The following SYK variants were observed in gnomAD, a reference collection of about 807,000 sequenced individuals.
The protein encoded by SYK is tyrosine-protein kinase SYK.
A neutral mutation model predicts 77.8 loss-of-function variants in SYK; 16 were observed. The observed-to-expected ratio is 0.21, with a 90% CI of 0.14 to 0.31. The LOEUF is 0.31. Among genes scored for constraint, SYK ranks in the 10% least tolerant of loss-of-function variants. The probability of loss-of-function intolerance (pLI) is 1.00; values close to 1 mark genes in which losing one functional copy is unlikely to be tolerated. For missense variants in SYK, 529 were observed against 814.4 expected, an observed-to-expected ratio of 0.65 and a Z score of 4.26; for synonymous variants, 312 against 308.7, an observed-to-expected ratio of 1.01 and a Z score of -0.11.
intron 9 of SYK, 148 bp from the exon 10 acceptor site, chr9:90,877,423 C>A: frequency 1.3e-6 from 1 of 775,830 alleles, no homozygotes; most frequent in Non-Finnish European, 2.1e-6. Context: ...GCCAGCCATC[C>A]ATTACAGGCT....
intron 1 of SYK, among the ~76,000 whole-genome samples, chr9:90,806,897 T>TTTTG (rs1554703448): frequency 8.5e-5 from 13 of 152,124 alleles, no homozygotes; most frequent in African/African-American, 2.4e-4. Flanking sequence ...TGAGAATGTT[T>TTTTG]ATTTTTGTGG....
chr9:90,878,791 A>G lies in SYK; in HGVS notation c.1419A>G (p.Glu473=). Residue 473 remains glutamate (E), a synonymous_variant, in exon 11 of 14, where the codon GAA becomes GAG. Coordinates refer to ENST00000375754, the MANE Select transcript of SYK (RefSeq NM_003177.7). ...NRHVKDKNII[E]LVHQVSMGMK... ...ATGTCAAGGATAAGAACATCATAGA[A>G]CTGGTTCATCAGGTTTCCATGGGCA... 1 of 1,613,700 alleles carries G rather than the reference A, an allele frequency of 6.2e-7. No homozygotes were observed. Among genetic ancestry groups the G allele is most frequent in the South Asian group, 1.1e-5 (1 of 91,064 alleles).
At position 90,878,926 on chromosome 9, in the gene SYK, A is replaced by C; in HGVS notation, c.1554A>C (p.Ala518=). 6.2e-7 allele frequency: 1 copy of C among 1,612,474 alleles called. No individual in the cohort carries two copies. The highest frequency in any genetic ancestry group is 1.7e-5 in the Admixed American group (1 of 60,004). ...AKISDFGLSK[A]LRADENYYKA... Reference sequence around the variant, plus strand: ...TCAGTGATTTCGGACTTTCCAAAGCACTGCGTGCTGATGAAAACTACTACA... The same window carrying C: ...TCAGTGATTTCGGACTTTCCAAAGCCCTGCGTGCTGATGAAAACTACTACA... Residue 518 remains alanine, a synonymous_variant, in exon 11 of 14, where the codon GCA becomes GCC. Transcript: ENST00000375754.
chr9:90,858,581 C>G (rs290204), intron 3 of SYK, among the ~76,000 whole-genome samples: 125,789 of 152,222 alleles, frequency 0.83, 52,514 homozygotes, highest in East Asian at 0.95. Context: ...GGGTGGGTGT[C>G]CTGATGCCAC....
chr9:90,878,149 G>A (rs1381679291), intron 10 of SYK, among the ~76,000 whole-genome samples: 1 of 152,176 alleles, frequency 6.6e-6, no homozygotes, highest in African/African-American at 2.4e-5. Flanking sequence ...TTTCTAAGAG[G>A]TGACAGTTAA....
At chr9:90,836,500 A>G (rs1396870885) in intron 1 of SYK, among the ~76,000 whole-genome samples, 1 of 152,208 alleles carries the variant, frequency 6.6e-6, no homozygotes, top group Non-Finnish European at 1.5e-5. Context: ...ATAATTGCAT[A>G]AAATTAACTG....
intron 1 of SYK, among the ~76,000 whole-genome samples, chr9:90,843,330 G>A (rs1362999521): frequency 6.6e-6 from 1 of 152,334 alleles, no homozygotes. Context: ...CAGCACCAGC[G>A]TGTGACTGAC....
Position 90,888,508 on chromosome 9 carries a change from G to A in SYK, c.1723-7G>A. 1 of 1,591,766 alleles carries A rather than the reference G, an allele frequency of 6.3e-7. No individual in the cohort carries two copies. The highest frequency in any genetic ancestry group is 8.5e-7 in the Non-Finnish European group (1 of 1,172,096). On this transcript the variant is annotated splice_region_variant and splice_polypyrimidine_tract_variant and intron_variant, in intron 12 of 13. Transcript: ENST00000375754. ...AAAAAAGCTTATGCATATCTTGCATGTTGTAGGGGATGAAAGGAAGTGAAG... is the reference window on the plus strand; with the variant it reads ...AAAAAAGCTTATGCATATCTTGCATATTGTAGGGGATGAAAGGAAGTGAAG...
At chr9:90,817,683 A>G (rs957547026) in intron 1 of SYK, among the ~76,000 whole-genome samples, 1 of 151,986 alleles carries the variant, frequency 6.6e-6, no homozygotes, top group Non-Finnish European at 1.5e-5. Flanking sequence ...CATTTTTCTC[A>G]TGAAAGTCCT....
At chr9:90,836,741 T>G (rs911362448) in intron 1 of SYK, among the ~76,000 whole-genome samples, 2 of 152,210 alleles carry the variant, frequency 1.3e-5, no homozygotes, top group African/African-American at 4.8e-5. Flanking sequence ...CCGTACAACC[T>G]GAATAACACC....
chr9:90,875,786 T>C (rs1438208390), intron 9 of SYK, among the ~76,000 whole-genome samples: 1 of 152,190 alleles, frequency 6.6e-6, no homozygotes, highest in Non-Finnish European at 1.5e-5. Flanking sequence ...GTACCCAACA[T>C]AGAATGTACA....
chr9:90,881,715 A>G (rs1264293640), intron 11 of SYK, among the ~76,000 whole-genome samples: 2 of 149,722 alleles, frequency 1.3e-5, no homozygotes. Context: ...AACAAGATCA[A>G]AGAAAAGTGC....
At chr9:90,868,548 T>C (rs1827607101) in intron 7 of SYK, among the ~76,000 whole-genome samples, 1 of 152,192 alleles carries the variant, frequency 6.6e-6, no homozygotes, top group South Asian at 2.1e-4. Context: ...CTAGGATAAT[T>C]GGCAGGGAAT....
At chr9:90,864,327 C>T (rs36063880) in intron 4 of SYK, among the ~76,000 whole-genome samples, 29,040 of 152,096 alleles carry the variant, frequency 0.19, 3,090 homozygotes, top group Admixed American at 0.3. Context: ...GACACAGATA[C>T]GGTATGAGGC....
chr9:90,881,134 TGAG>T (rs1206710500), intron 11 of SYK, among the ~76,000 whole-genome samples: 1 of 152,146 alleles, frequency 6.6e-6, no homozygotes, highest in Non-Finnish European at 1.5e-5. Context: ...ACCACCCTTT[TGAG>T]GAGAAGTGTC....
At position 90,845,431 on chromosome 9, in the gene SYK, C is replaced by A. The variant is rs1826551202; in HGVS notation, c.418-3C>A. The A allele has an allele frequency of 2.5e-6, 4 of 1,612,508 alleles. No homozygotes were observed. Among genetic ancestry groups the A allele is most frequent in the East Asian group, 2.2e-5 (1 of 44,842 alleles). On this transcript the variant is annotated splice_polypyrimidine_tract_variant and splice_region_variant and intron_variant, in intron 2 of 13. Transcript: ENST00000375754. Reference sequence around the variant, plus strand: ...TTACTCTGCTTTGCTCTCCATGTGGCAGGGTCAGGCTCTGGAGCAGGCCAT... The same window carrying A: ...TTACTCTGCTTTGCTCTCCATGTGGAAGGGTCAGGCTCTGGAGCAGGCCAT...
intron 3 of SYK, among the ~76,000 whole-genome samples, chr9:90,853,904 A>C (rs1006845583): frequency 6.6e-6 from 1 of 152,116 alleles, no homozygotes; most frequent in East Asian, 1.9e-4. Context: ...AAAAAGAAAA[A>C]AAAGAGAGCA....
intron 1 of SYK, among the ~76,000 whole-genome samples, chr9:90,810,913 G>A (rs941674048): frequency 3.9e-5 from 6 of 152,254 alleles, no homozygotes; most frequent in South Asian, 2.1e-4. Context: ...CACACCAGGC[G>A]GGGGAGGTGC....
Position 90,888,596 on chromosome 9 carries a change from T to C in SYK, c.1804T>C (p.Tyr602His). 1 of 1,609,962 alleles carries C rather than the reference T, an allele frequency of 6.2e-7. No individual in the cohort carries two copies. The highest frequency in any genetic ancestry group is 8.5e-7 in the Non-Finnish European group (1 of 1,178,330). ...CCCTGCAGGGTGTCCAAGAGAGATG[T>C]ACGATCTCATGAATCTGTGCTGGAC... ...GCPAGCPREM[Y>H]DLMNLCWTYD... Residue 602 changes from tyrosine (Y) to histidine (H), a missense_variant, in exon 13 of 14, where the codon TAC becomes CAC. This residue lies in a region of SYK where 208 missense variants were observed against 381.3 expected (regional missense o/e 0.55). Transcript: ENST00000375754.
Sources: gnomAD v4.1 joint callset for allele counts (sites outside exome capture counted in the v4.1 genomes callset) on GRCh38, gnomAD v4.1.1 for gene constraint, gnomAD v4.1.1 regional missense constraint, MANE v1.5 for transcripts, NCBI Gene and HGNC (gene_info 2026-07-23, HGNC 2026-07-21) for gene names.